GRM7: variants seen among roughly 807,000 people sequenced by gnomAD.
The protein encoded by GRM7 is metabotropic glutamate receptor 7.
Under a neutral mutation model 84.5 loss-of-function variants are expected in GRM7, and 35 were observed. That is an observed-to-expected ratio of 0.41 (90% CI 0.32 to 0.55). The LOEUF is 0.55. Ranked by LOEUF, GRM7 falls within the 20% of genes least tolerant of loss-of-function variation. GRM7 has a pLI of 0.19. For synonymous variants in GRM7, 487 were observed against 455.1 expected (o/e 1.07, Z -0.89); for missense variants, 1,003 against 1,194.6 (o/e 0.84, Z 2.36).
At chr3:7,423,471 C>T (rs1214972421) in intron 5 of GRM7, among the ~76,000 whole-genome samples, 1 of 152,162 alleles carries the variant, frequency 6.6e-6, no homozygotes, top group African/African-American at 2.4e-5. Flanking sequence ...CAACAATTCT[C>T]GTAAACAAAG....
intron 2 of GRM7, among the ~76,000 whole-genome samples, chr3:7,287,126 A>G (rs918200413): frequency 1.3e-5 from 2 of 152,162 alleles, no homozygotes; most frequent in Non-Finnish European, 2.9e-5. Context: ...TATTTTCAGA[A>G]TAATTCTGCC....
At chr3:7,369,081 C>T (rs997980365) in intron 4 of GRM7, among the ~76,000 whole-genome samples, 1 of 151,978 alleles carries the variant, frequency 6.6e-6, no homozygotes, top group Non-Finnish European at 1.5e-5. Context: ...TTTTAAGAGG[C>T]AGGGTCTTTC....
chr3:7,293,944 G>A (rs1575130004), intron 2 of GRM7, among the ~76,000 whole-genome samples: 1 of 152,160 alleles, frequency 6.6e-6, no homozygotes, highest in Non-Finnish European at 1.5e-5. Context: ...AAGAACTGAT[G>A]ATCAAAACAG....
intron 1 of GRM7, among the ~76,000 whole-genome samples, chr3:7,090,391 C>A (rs1468453622): frequency 1.3e-5 from 2 of 151,964 alleles, no homozygotes; most frequent in East Asian, 1.9e-4. Flanking sequence ...ATAAGTGACA[C>A]TGAGAATGAG....
intron 2 of GRM7, among the ~76,000 whole-genome samples, chr3:7,160,853 C>T (rs752432072): frequency 4.6e-5 from 7 of 152,030 alleles, no homozygotes; most frequent in Non-Finnish European, 8.8e-5. Flanking sequence ...GCTCAGCATC[C>T]GTATCCTGTT....
At chr3:6,949,697 C>G (rs968465543) in intron 1 of GRM7, among the ~76,000 whole-genome samples, 13 of 152,134 alleles carry the variant, frequency 8.5e-5, no homozygotes, top group Admixed American at 2.0e-4. Context: ...GTACACCAAT[C>G]AGACGTAGAT....
At chr3:7,197,699 GTT>G (rs5846495) in intron 2 of GRM7, among the ~76,000 whole-genome samples, 8,117 of 147,308 alleles carry the variant, frequency 0.055, 587 homozygotes, top group African/African-American at 0.17. Context: ...TTTACGACAA[GTT>G]TTTTTTTTTT....
At chr3:7,348,793 C>G (rs1282285364) in intron 4 of GRM7, among the ~76,000 whole-genome samples, 3 of 152,106 alleles carry the variant, frequency 2.0e-5, no homozygotes, top group Non-Finnish European at 1.5e-5. Context: ...TGTGTTTGTA[C>G]AAGCCCTCCA....
chr3:7,735,269 G>A (rs1278276471), intron 9 of GRM7, among the ~76,000 whole-genome samples: 2 of 152,202 alleles, frequency 1.3e-5, no homozygotes, highest in Non-Finnish European at 2.9e-5. Context: ...CCAACATGCA[G>A]AAGTTTGGTG....
chr3:7,041,352 G>T (rs1241366198), intron 1 of GRM7, among the ~76,000 whole-genome samples: 1 of 152,012 alleles, frequency 6.6e-6, no homozygotes, highest in Non-Finnish European at 1.5e-5. Context: ...AAATTAATTT[G>T]CATTTTCTAG....
At chr3:7,606,257 C>CT (rs146626058) in intron 8 of GRM7, among the ~76,000 whole-genome samples, 34,022 of 151,444 alleles carry the variant, frequency 0.22, 3,966 homozygotes, top group Non-Finnish European at 0.25. Flanking sequence ...TCTAGCTCCT[C>CT]TTTTTTTTTA....
intron 7 of GRM7, among the ~76,000 whole-genome samples, chr3:7,524,560 A>G (rs1239172869): frequency 2.3e-5 from 2 of 88,438 alleles, no homozygotes; most frequent in East Asian, 5.2e-4. Flanking sequence ...CAAAACCACA[A>G]TGAGATACCA....
chr3:7,015,278 C>T (rs1022858019), intron 1 of GRM7, among the ~76,000 whole-genome samples: 10 of 152,204 alleles, frequency 6.6e-5, no homozygotes, highest in Admixed American at 3.3e-4. Context: ...TGTGAAGGTC[C>T]GTGGCTTCAT....
At chr3:7,186,162 G>A (rs902127748) in intron 2 of GRM7, among the ~76,000 whole-genome samples, 3 of 152,178 alleles carry the variant, frequency 2.0e-5, no homozygotes, top group Admixed American at 2.0e-4. Flanking sequence ...CTTAGCACCT[G>A]CTTCTTATGT....
intron 7 of GRM7, among the ~76,000 whole-genome samples, chr3:7,577,808 G>A (rs1411131078): frequency 6.6e-6 from 1 of 152,116 alleles, no homozygotes; most frequent in Non-Finnish European, 1.5e-5. Context: ...CTTCTCCCCT[G>A]TGATAGTAGA....
rs192229679 is a variant in GRM7 at position 7,491,131 on chromosome 3, T to G, written c.1515+29409T>G. Reference sequence around the variant, plus strand: ...TACTTATCACTAAGTTTCATGAGGGTAGAGGTTATCTATTTTTGCTTTTTA... The same window carrying G: ...TACTTATCACTAAGTTTCATGAGGGGAGAGGTTATCTATTTTTGCTTTTTA... On this transcript the variant is annotated intron_variant, in intron 7 of 9. Coordinates refer to ENST00000357716, the MANE Select transcript of GRM7 (RefSeq NM_000844.4). Among the ~76,000 whole-genome samples the G allele has an allele frequency of 1.3e-3, 191 of 151,982 alleles. 1 individual carries two copies. The highest frequency in any genetic ancestry group is 4.3e-3 in the African/African-American group (178 of 41,532).
At chr3:7,499,230 C>G (rs1699804114) in intron 7 of GRM7, among the ~76,000 whole-genome samples, 1 of 152,158 alleles carries the variant, frequency 6.6e-6, no homozygotes, top group South Asian at 2.1e-4. Flanking sequence ...TTGCAGGCAC[C>G]CAGAAAGTGT....
intron 1 of GRM7, among the ~76,000 whole-genome samples, chr3:6,966,191 C>T (rs952356558): frequency 3.3e-5 from 5 of 152,132 alleles, no homozygotes; most frequent in African/African-American, 1.2e-4. Context: ...TTTTATACTT[C>T]CAGAATTTAT....
chr3:7,720,011 CATA>C (rs1290394845), intron 9 of GRM7, among the ~76,000 whole-genome samples: 2 of 152,034 alleles, frequency 1.3e-5, no homozygotes, highest in African/African-American at 4.8e-5. Context: ...TGATGATGGT[CATA>C]ATAAGAGTAT....
Sources: allele counts gnomAD v4.1 joint callset (sites outside exome capture counted in the v4.1 genomes callset), GRCh38; gene constraint gnomAD v4.1.1; transcripts MANE v1.5; gene names NCBI Gene and HGNC (gene_info 2026-07-23, HGNC 2026-07-21).